NR6A1: variants seen among roughly 807,000 people sequenced by gnomAD.
NR6A1 encodes the protein retinoic acid receptor-related testis-associated receptor.
In NR6A1, 7 loss-of-function variants were observed where a neutral mutation model predicts 59.1. The observed-to-expected ratio is 0.12, with a 90% CI of 0.07 to 0.22. NR6A1 has a LOEUF of 0.22. NR6A1 is among the 10% of genes least tolerant of loss of function. The pLI is 1.00. For missense variants in NR6A1, 468 were observed against 611.6 expected (o/e 0.77, Z 2.48); for synonymous variants, 243 against 236.1 (o/e 1.03, Z -0.27).
chr9:124,702,560 G>C (rs1461319032), intron 2 of NR6A1, among the ~76,000 whole-genome samples: 4 of 152,080 alleles, frequency 2.6e-5, no homozygotes, highest in African/African-American at 9.7e-5. Context: ...CCTAATGGGA[G>C]GTAGTTGGGT....
At chr9:124,720,114 C>T (rs1056233735) in intron 2 of NR6A1, among the ~76,000 whole-genome samples, 1 of 152,126 alleles carries the variant, frequency 6.6e-6, no homozygotes, top group Admixed American at 6.5e-5. Flanking sequence ...ATGACGCAAT[C>T]TCAGCTCACT....
At chr9:124,699,899 C>T (rs1308697984) in intron 2 of NR6A1, among the ~76,000 whole-genome samples, 2 of 152,168 alleles carry the variant, frequency 1.3e-5, no homozygotes, top group Non-Finnish European at 2.9e-5. Flanking sequence ...AGTCTTCGCC[C>T]AGACTGGAGT....
At chr9:124,706,360 T>C (rs1160098551) in intron 2 of NR6A1, among the ~76,000 whole-genome samples, 1 of 152,234 alleles carries the variant, frequency 6.6e-6, no homozygotes, top group African/African-American at 2.4e-5. Context: ...TTTCTTCTTA[T>C]GGATTTGAGT....
intron 2 of NR6A1, among the ~76,000 whole-genome samples, chr9:124,671,893 T>C (rs1232513885): frequency 1.3e-5 from 2 of 152,172 alleles, no homozygotes; most frequent in Admixed American, 6.6e-5. Context: ...AAAGTGAACA[T>C]ACCTAGGAAA....
intron 2 of NR6A1, among the ~76,000 whole-genome samples, chr9:124,627,997 G>A (rs1836300911): frequency 6.7e-6 from 1 of 149,942 alleles, no homozygotes; most frequent in Admixed American, 6.7e-5. Flanking sequence ...GAGTGAAGGG[G>A]ACTTTGTTTG....
At chr9:124,684,091 T>G (rs538401803) in intron 2 of NR6A1, among the ~76,000 whole-genome samples, 1 of 151,998 alleles carries the variant, frequency 6.6e-6, no homozygotes, top group Non-Finnish European at 1.5e-5. Flanking sequence ...CATACAAATT[T>G]AGTTCTACAC....
At chr9:124,616,638 A>G (rs1232844400) in intron 2 of NR6A1, among the ~76,000 whole-genome samples, 1 of 152,190 alleles carries the variant, frequency 6.6e-6, no homozygotes, top group Non-Finnish European at 1.5e-5. Flanking sequence ...ATTAGTATTT[A>G]CAAAACATAA....
chr9:124,714,981 C>T (rs947416725), intron 2 of NR6A1, among the ~76,000 whole-genome samples: 1 of 151,926 alleles, frequency 6.6e-6, no homozygotes, highest in Non-Finnish European at 1.5e-5. Context: ...GGGCAGTTCA[C>T]AAGGTCAAGA....
At chr9:124,634,147 A>G (rs1379126183) in intron 2 of NR6A1, among the ~76,000 whole-genome samples, 1 of 152,238 alleles carries the variant, frequency 6.6e-6, no homozygotes, top group Admixed American at 6.5e-5. Flanking sequence ...TATTTTTATA[A>G]GATAACAAAG....
At chr9:124,593,649 A>AT (rs901717650) in intron 2 of NR6A1, among the ~76,000 whole-genome samples, 3 of 152,098 alleles carry the variant, frequency 2.0e-5, no homozygotes, top group African/African-American at 7.2e-5. Flanking sequence ...GCACTCAAGT[A>AT]TTTTTCTCCT....
chr9:124,687,383 C>A (rs1341998477), intron 2 of NR6A1, among the ~76,000 whole-genome samples: 8 of 151,890 alleles, frequency 5.3e-5, no homozygotes, highest in African/African-American at 1.9e-4. Flanking sequence ...TCAAGTGATA[C>A]CCCTATCTCA....
At chr9:124,722,267 A>C (rs1188500429) in intron 2 of NR6A1, among the ~76,000 whole-genome samples, 1 of 152,238 alleles carries the variant, frequency 6.6e-6, no homozygotes, top group Non-Finnish European at 1.5e-5. Context: ...GAATATACGC[A>C]AAGTGCCTGG....
At chr9:124,675,882 G>C (rs1837941775) in intron 2 of NR6A1, among the ~76,000 whole-genome samples, 1 of 152,172 alleles carries the variant, frequency 6.6e-6, no homozygotes, top group South Asian at 2.1e-4. Context: ...CTCCAAGAGA[G>C]GCTAGGAAAA....
intron 1 of NR6A1, among the ~76,000 whole-genome samples, chr9:124,752,011 C>G (rs533274586): frequency 6.6e-5 from 10 of 152,322 alleles, no homozygotes; most frequent in Admixed American, 1.3e-4. Context: ...TGGCTCACGC[C>G]TATAATCCCA....
chr9:124,537,150 C>A (rs1050576841), intron 6 of NR6A1, among the ~76,000 whole-genome samples: 1 of 151,610 alleles, frequency 6.6e-6, no homozygotes, highest in Non-Finnish European at 1.5e-5. Context: ...CTCGGCTCAC[C>A]GCAACCTCAG....
intron 1 of NR6A1, among the ~76,000 whole-genome samples, chr9:124,740,096 T>C (rs1455269634): frequency 6.6e-6 from 1 of 152,250 alleles, no homozygotes; most frequent in Admixed American, 6.5e-5. Context: ...CCCAACAGTG[T>C]ATACTCCATC....
intron 1 of NR6A1, among the ~76,000 whole-genome samples, chr9:124,769,544 T>G (rs537175551): frequency 5.9e-5 from 9 of 152,350 alleles, no homozygotes; most frequent in South Asian, 2.1e-4. Flanking sequence ...TTGAGAAACC[T>G]CTTGGTGAAG....
intron 2 of NR6A1, among the ~76,000 whole-genome samples, chr9:124,569,635 G>A (rs988421267): frequency 2.0e-5 from 3 of 152,146 alleles, no homozygotes; most frequent in African/African-American, 7.2e-5. Flanking sequence ...ACATTCTAAG[G>A]ACTGACTCCA....
At chr9:124,608,886 A>T (rs899686787) in intron 2 of NR6A1, among the ~76,000 whole-genome samples, 3 of 152,140 alleles carry the variant, frequency 2.0e-5, no homozygotes, top group Non-Finnish European at 1.5e-5. Context: ...GCATTTCTCT[A>T]ATGATCAGTG....
Sources: allele counts gnomAD v4.1 joint callset (sites outside exome capture counted in the v4.1 genomes callset), GRCh38; gene constraint gnomAD v4.1.1; transcripts MANE v1.5; gene names NCBI Gene and HGNC (gene_info 2026-07-23, HGNC 2026-07-21).